AFG3L2: variants seen among roughly 807,000 people sequenced by gnomAD.
AFG3L2 encodes mitochondrial inner membrane m-AAA protease component AFG3L2.
Under a neutral mutation model 94.5 loss-of-function variants are expected in AFG3L2, and 54 were observed. The observed-to-expected ratio is 0.57, with a 90% CI of 0.46 to 0.72. The LOEUF (loss-of-function observed/expected upper bound fraction) is 0.72. AFG3L2 is among the 30% of genes least tolerant of loss of function. AFG3L2 has a pLI of 0.00. For missense variants in AFG3L2, 754 were observed against 994.9 expected (o/e 0.76, Z 3.26); for synonymous variants, 377 against 365.5 (o/e 1.03, Z -0.36).
chr18:12,375,055 CAAAA>C (rs201750735), intron 1 of AFG3L2, among the ~76,000 whole-genome samples: 10 of 100,830 alleles, frequency 9.9e-5, no homozygotes, highest in Non-Finnish European at 1.2e-4. Flanking sequence ...GACCCTGTCT[CAAAA>C]AAAAAAAAAA....
At chr18:12,368,854 G>A (rs1405489273) in intron 3 of AFG3L2, among the ~76,000 whole-genome samples, 1 of 152,124 alleles carries the variant, frequency 6.6e-6, no homozygotes, top group Non-Finnish European at 1.5e-5. Flanking sequence ...ACCCGTTTCG[G>A]CCTCCCAAAG....
At chr18:12,346,702 G>A (rs1033804402) in intron 13 of AFG3L2, among the ~76,000 whole-genome samples, 1 of 152,076 alleles carries the variant, frequency 6.6e-6, no homozygotes, top group South Asian at 2.1e-4. Context: ...TCAGGAGTTC[G>A]AGATCAGCCT....
chr18:12,377,023 C>T lies in AFG3L2; in HGVS notation c.60G>A (p.Gln20=). ...CCACGCCGCCAGGCACGAGGAGCTG[C>T]TGTAGGCCGCGGGGCCAGCAGCCGC... ...GRGGCWPRGL[Q]QLLVPGGVGP... Residue 20 remains glutamine, a synonymous_variant, in exon 1 of 17, where the codon CAG becomes CAA. Transcript: ENST00000269143. The T allele has an allele frequency of 1.4e-6, 2 of 1,449,642 alleles. No individual in the cohort carries two copies. The highest frequency in any genetic ancestry group is 2.7e-5 in the South Asian group (2 of 74,870). 89.8% of individuals were successfully genotyped at this position (1,449,642 alleles called of 1,614,324 possible).
rs575807540 is a variant in AFG3L2 at position 12,361,834 on chromosome 18, G to A, written c.628-1783C>T. 6.6e-5 allele frequency among the ~76,000 whole-genome samples: 10 copies of A among 152,276 alleles called. No individual in the cohort carries two copies. In the South Asian group the frequency reaches 1.7e-3, roughly 25 times the overall value. The stretch of plus-strand genomic sequence containing the variant: ...ATTTGGTAAATTATTCACCAACAAA[G>A]ATACAAAATTCACATGGTTACAAAG... On this transcript the variant is annotated intron_variant, in intron 6 of 16. Coordinates refer to ENST00000269143, the MANE Select transcript of AFG3L2 (RefSeq NM_006796.3).
At chr18:12,371,048 C>G in intron 2 of AFG3L2, 122 bp from the exon 3 acceptor site, 2 of 603,196 alleles carry the variant, frequency 3.3e-6, no homozygotes. Context: ...CGCAATGGCT[C>G]ATGCCTGTAA....
At chr18:12,339,478 G>A (rs1211926050) in intron 15 of AFG3L2, among the ~76,000 whole-genome samples, 3 of 151,058 alleles carry the variant, frequency 2.0e-5, no homozygotes, top group Non-Finnish European at 4.4e-5. Flanking sequence ...CTTGAACCCA[G>A]GAGGCAGAGG....
intron 6 of AFG3L2, chr18:12,360,269 G>C: frequency 1.9e-6 from 1 of 532,894 alleles, no homozygotes; most frequent in South Asian, 2.5e-5. Flanking sequence ...TTCTTTAGCA[G>C]CAATATCTCA....
intron 15 of AFG3L2, among the ~76,000 whole-genome samples, chr18:12,338,111 C>T (rs911795859): frequency 3.3e-5 from 5 of 151,996 alleles, no homozygotes; most frequent in East Asian, 1.9e-4. Context: ...CTTGTTCTGT[C>T]GCCCAGGCTG....
chr18:12,351,173 T>C lies in AFG3L2; in HGVS notation c.1464A>G (p.Lys488=). ...CCAGTTTTAGCGGTCGGAGATGAACTTTGAAAATAGAAGCTCTTCCTTTTA... is the reference window on the plus strand; with the variant it reads ...CCAGTTTTAGCGGTCGGAGATGAACCTTGAAAATAGAAGCTCTTCCTTTTA... ...PDIKGRASIF[K]VHLRPLKLDS... The change falls in exon 12 of 17, where the codon AAA becomes AAG. Residue 488 remains lysine (K), a synonymous_variant. Transcript: ENST00000269143. 6.2e-7 allele frequency: 1 copy of C among 1,614,144 alleles called. No homozygotes were observed. The highest frequency in any genetic ancestry group is 8.5e-7 in the Non-Finnish European group (1 of 1,180,028).
intron 2 of AFG3L2, 66 bp from the exon 3 acceptor site, chr18:12,370,992 T>C: frequency 9.2e-7 from 1 of 1,084,702 alleles, no homozygotes; most frequent in African/African-American, 1.6e-5. Flanking sequence ...GTTCATTTTG[T>C]TTTCAAAGCA....
intron 16 of AFG3L2, among the ~76,000 whole-genome samples, chr18:12,332,932 CTA>C (rs1907586883): frequency 8.8e-6 from 1 of 113,048 alleles, no homozygotes; most frequent in African/African-American, 3.4e-5. Flanking sequence ...ATAACATATA[CTA>C]TATAACATAT....
chr18:12,359,936 T>G lies in AFG3L2; in HGVS notation c.743A>C (p.Glu248Ala), dbSNP rs1568142906. 1 of 1,613,574 alleles carries G rather than the reference T, an allele frequency of 6.2e-7. No homozygotes were observed. Among genetic ancestry groups the G allele is most frequent in the Non-Finnish European group, 8.5e-7 (1 of 1,180,004 alleles). The change falls in exon 7 of 17, where the codon GAA (glutamate) becomes GCA (alanine). Residue 248 changes from glutamate to alanine, a missense_variant. By Grantham distance (107) the Glu-to-Ala change is moderately radical. Transcript: ENST00000269143. ...ENRVPVVYIA[E>A]SDGSFLLSML... Reference sequence around the variant, plus strand: ...TTATATTTGAGATTACCCATCACTTTCAGCAATGTAGACAACAGGCACCCG... The same window carrying G: ...TTATATTTGAGATTACCCATCACTTGCAGCAATGTAGACAACAGGCACCCG...
rs1269843321 is a variant in AFG3L2, at chr18:12,344,196, G to C, written c.1715C>G (p.Ala572Gly). Residue 572 changes from alanine to glycine, a missense_variant, in exon 14 of 17, where the codon GCA becomes GGA. Physicochemically the swap from Ala to Gly is moderately conservative, Grantham distance 60 (BLOSUM62 0). This residue lies in a region of AFG3L2 where 279 missense variants were observed against 378.6 expected (regional missense o/e 0.74). Transcript: ENST00000269143. ...AACCGCATGGCCTGCTTCGTGGTATGCCACAGTCTTCTTCTCCTCAGGCTG... is the reference window on the plus strand; with the variant it reads ...AACCGCATGGCCTGCTTCGTGGTATCCCACAGTCTTCTTCTCCTCAGGCTG... ...VLQPEEKKTV[A>G]YHEAGHAVAG... The C allele has an allele frequency of 6.2e-7, 1 of 1,614,056 alleles. No individual in the cohort carries two copies. Among genetic ancestry groups the C allele is most frequent in the African/African-American group, 1.3e-5 (1 of 74,932 alleles).
intron 10 of AFG3L2, 47 bp downstream of exon 10, chr18:12,352,958 A>T: frequency 6.2e-7 from 1 of 1,609,956 alleles, no homozygotes; most frequent in South Asian, 1.1e-5. Flanking sequence ...CATCTCAAAA[A>T]AAAAAACAAA....
chr18:12,344,217 G>C lies in AFG3L2; in HGVS notation c.1694C>G (p.Pro565Arg). ...GLEKKTQVLQ[P>R]EEKKTVAYHE... ...GTATGCCACAGTCTTCTTCTCCTCA[G>C]GCTGCAGAACCTGCGTTTTCTTCTC... The change falls in exon 14 of 17, where the codon CCT becomes CGT. Residue 565 changes from proline to arginine, a missense_variant. Transcript: ENST00000269143. 1 of 1,614,172 alleles carries C rather than the reference G, an allele frequency of 6.2e-7. No individual in the cohort carries two copies. The highest frequency in any genetic ancestry group is 8.5e-7 in the Non-Finnish European group (1 of 1,180,038).
chr18:12,348,392 T>C lies in AFG3L2; in HGVS notation c.1553-9A>G. 3 of 1,611,946 alleles carry C rather than the reference T, an allele frequency of 1.9e-6. No homozygotes were observed. Among genetic ancestry groups the C allele is most frequent in the Non-Finnish European group, 2.5e-6 (3 of 1,178,090 alleles). On this transcript the variant is annotated splice_polypyrimidine_tract_variant and intron_variant, in intron 12 of 16. Transcript: ENST00000269143. ...ATTAGCAACATCAGCACCTAAAAAA[T>C]GAACACAGAACAGCTTACCCACCGA...
intron 8 of AFG3L2, 87 bp downstream of exon 8, chr18:12,358,583 A>G (rs1908563604): frequency 6.8e-7 from 1 of 1,477,466 alleles, no homozygotes; most frequent in Non-Finnish European, 9.3e-7. Flanking sequence ...AAAAACAGCT[A>G]TCTATAATAA....
In AFG3L2 at chr18:12,345,330, T is replaced by C. The variant is rs147203306; in HGVS notation, c.1664-1083A>G. Among the ~76,000 whole-genome samples the C allele has an allele frequency of 9.6e-4, 146 of 152,364 alleles. 1 individual carries two copies. Among genetic ancestry groups the C allele is most frequent in the African/African-American group, 3.4e-3 (142 of 41,584 alleles). Reference sequence around the variant, plus strand: ...TGGGCTCTGCCCCTCACTCCATACCTCTGTGCTGTAAAAACTAACTGCGCC... The same window carrying C: ...TGGGCTCTGCCCCTCACTCCATACCCCTGTGCTGTAAAAACTAACTGCGCC... On this transcript the variant is annotated intron_variant, in intron 13 of 16. Transcript: ENST00000269143.
intron 15 of AFG3L2, among the ~76,000 whole-genome samples, chr18:12,338,303 C>A (rs1907819831): frequency 1.3e-5 from 2 of 152,158 alleles, no homozygotes; most frequent in Admixed American, 6.5e-5. Context: ...CCTGAAGAAA[C>A]AAGAACCCCC....
Sources: gnomAD v4.1 joint callset for allele counts (sites outside exome capture counted in the v4.1 genomes callset) on GRCh38, gnomAD v4.1.1 for gene constraint, gnomAD v4.1.1 regional missense constraint, MANE v1.5 for transcripts, NCBI Gene and HGNC (gene_info 2026-07-23, HGNC 2026-07-21) for gene names.